SLC25A12: variants seen among roughly 807,000 people sequenced by gnomAD.
SLC25A12 encodes electrogenic aspartate/glutamate antiporter SLC25A12, mitochondrial.
In SLC25A12, 32 loss-of-function variants were observed where a neutral mutation model predicts 83.3. That is an observed-to-expected ratio of 0.38 (90% confidence interval 0.29 to 0.52). The LOEUF is 0.52. Ranked by LOEUF, SLC25A12 falls within the 20% of genes least tolerant of loss-of-function variation. The pLI is 0.84. For synonymous variants in SLC25A12, 267 were observed against 291.1 expected (o/e 0.92, Z 0.84); for missense variants, 611 against 835.6 (o/e 0.73, Z 3.31).
chr2:171,890,500 T>C (rs1038909663), intron 2 of SLC25A12, among the ~76,000 whole-genome samples: 3 of 152,012 alleles, frequency 2.0e-5, no homozygotes, highest in Admixed American at 6.6e-5. Context: ...TGTGTGTGTG[T>C]GTAACAAGGT....
intron 2 of SLC25A12, among the ~76,000 whole-genome samples, chr2:171,876,802 T>C (rs1249109767): frequency 6.6e-6 from 1 of 152,232 alleles, no homozygotes; most frequent in Non-Finnish European, 1.5e-5. Context: ...TACCCAAGTA[T>C]GTCTATACTC....
chr2:171,827,957 G>A (rs1684345176), intron 8 of SLC25A12, among the ~76,000 whole-genome samples: 1 of 152,274 alleles, frequency 6.6e-6, no homozygotes, highest in African/African-American at 2.4e-5. Flanking sequence ...AACCCTTTCT[G>A]CTCTCTTTCC....
chr2:171,888,432 A>T (rs148979869), intron 2 of SLC25A12, among the ~76,000 whole-genome samples: 10 of 151,050 alleles, frequency 6.6e-5, no homozygotes, highest in African/African-American at 1.5e-4. Context: ...AAATATATAT[A>T]TATTTTTTTA....
At chr2:171,835,619 A>G (rs1405501207) in intron 6 of SLC25A12, among the ~76,000 whole-genome samples, 1 of 152,252 alleles carries the variant, frequency 6.6e-6, no homozygotes, top group Admixed American at 6.5e-5. Context: ...AATATTTTGC[A>G]TAGTTTGCAA....
intron 2 of SLC25A12, among the ~76,000 whole-genome samples, chr2:171,885,995 CA>C (rs1033260275): frequency 6.6e-6 from 1 of 152,200 alleles, no homozygotes; most frequent in Non-Finnish European, 1.5e-5. Flanking sequence ...ATAACTTTCT[CA>C]GTGCTCATTA....
At chr2:171,852,896 T>C (rs1052887199) in intron 4 of SLC25A12, among the ~76,000 whole-genome samples, 1 of 152,164 alleles carries the variant, frequency 6.6e-6, no homozygotes, top group Non-Finnish European at 1.5e-5. Context: ...AAGTGGATCC[T>C]TAAAACTAGG....
intron 9 of SLC25A12, among the ~76,000 whole-genome samples, chr2:171,820,233 T>C (rs1684157038): frequency 6.6e-6 from 1 of 151,912 alleles, no homozygotes; most frequent in South Asian, 2.1e-4. Context: ...GTTAAAATAA[T>C]AATTCTTAAT....
intron 4 of SLC25A12, among the ~76,000 whole-genome samples, chr2:171,850,951 A>T (rs915142297): frequency 6.6e-6 from 1 of 152,142 alleles, no homozygotes; most frequent in Non-Finnish European, 1.5e-5. Context: ...ACACATTTTT[A>T]TTTGCTATAT....
At chr2:171,835,112 C>T (rs1361267382) in intron 6 of SLC25A12, among the ~76,000 whole-genome samples, 2 of 152,148 alleles carry the variant, frequency 1.3e-5, no homozygotes, top group African/African-American at 4.8e-5. Context: ...GGTTCATCTA[C>T]CTATAAGGTC....
chr2:171,888,110 T>C (rs1685860271), intron 2 of SLC25A12, among the ~76,000 whole-genome samples: 5 of 150,988 alleles, frequency 3.3e-5, no homozygotes, highest in Non-Finnish European at 1.5e-5. Context: ...TTTTTTTTTT[T>C]TGGAGACAAA....
At chr2:171,836,985 A>AC in intron 6 of SLC25A12, 136 bp downstream of exon 6, 1 of 763,392 alleles carries the variant, frequency 1.3e-6, no homozygotes, top group African/African-American at 1.7e-5. Flanking sequence ...CACACACACA[A>AC]ACCTGTTTAC....
In SLC25A12 at chr2:171,808,738, T is replaced by C. The variant is rs1031219734; in HGVS notation, c.1305+868A>G. On this transcript the variant is annotated intron_variant, in intron 13 of 17. Transcript: ENST00000422440. ...TATACTTTAAGTTTTAGGGTACATG[T>C]GCACAATGTGCAGGTTTGATACATA... Among the ~76,000 whole-genome samples, 7 of 152,346 alleles carry C rather than the reference T, an allele frequency of 4.6e-5. No individual in the cohort carries two copies. In the East Asian group the frequency reaches 7.7e-4, roughly 17 times the overall value.
intron 14 of SLC25A12, 87 bp downstream of exon 14, chr2:171,793,540 A>G: frequency 7.4e-7 from 1 of 1,358,096 alleles, no homozygotes; most frequent in Non-Finnish European, 1.1e-6. Context: ...CTGCTGGACA[A>G]GATTGCTTTT....
intron 3 of SLC25A12, among the ~76,000 whole-genome samples, chr2:171,858,564 A>G (rs1411385972): frequency 6.6e-6 from 1 of 152,250 alleles, no homozygotes; most frequent in Non-Finnish European, 1.5e-5. Context: ...GTCACAAACT[A>G]TCAGCTGGCA....
intron 9 of SLC25A12, among the ~76,000 whole-genome samples, chr2:171,817,447 C>T (rs1684076944): frequency 6.6e-6 from 1 of 151,616 alleles, no homozygotes; most frequent in South Asian, 2.1e-4. Flanking sequence ...ACTAAAAATA[C>T]AAAAATTAGT....
rs764959589 is a variant in SLC25A12, at chr2:171,893,159, G to A, written c.66+46C>T. ...CATGAATAGGACTAAGGACATGTACGTTTTTTGTTTTTGCAATGAAAGGCA... is the reference window on the plus strand; with the variant it reads ...CATGAATAGGACTAAGGACATGTACATTTTTTGTTTTTGCAATGAAAGGCA... On this transcript the variant is annotated intron_variant, in intron 2 of 17. Coordinates refer to ENST00000422440, the MANE Select transcript of SLC25A12 (RefSeq NM_003705.5). The A allele has an allele frequency of 2.3e-5, 34 of 1,507,188 alleles. No individual in the cohort carries two copies. The South Asian group carries it at 3.4e-4, about 15-fold the overall frequency. 93.4% of individuals were successfully genotyped at this position (1,507,188 alleles called of 1,614,324 possible). A position where few individuals can be genotyped will look rare whatever the true frequency, so the allele number is the denominator to read the frequency against.
intron 13 of SLC25A12, among the ~76,000 whole-genome samples, chr2:171,803,389 A>C (rs1683752837): frequency 1.3e-5 from 2 of 152,198 alleles, no homozygotes; most frequent in Admixed American, 1.3e-4. Flanking sequence ...CAAGAAAATA[A>C]AAAATATCTG....
At chr2:171,847,042 T>C (rs1558929492) in intron 4 of SLC25A12, among the ~76,000 whole-genome samples, 1 of 152,198 alleles carries the variant, frequency 6.6e-6, no homozygotes, top group Non-Finnish European at 1.5e-5. Flanking sequence ...TATTTGGACA[T>C]TTTCTACTTC....
rs1314007389 is a variant in SLC25A12 at position 171,855,867 on chromosome 2, A to T, written c.292T>A (p.Phe98Ile). Residue 98 changes from phenylalanine to isoleucine, a missense_variant, in exon 4 of 18, where the codon TTT becomes ATT. By Grantham distance (21) the Phe-to-Ile change is conservative (BLOSUM62 0). Transcript: ENST00000422440. The part of the protein sequence containing the change: ...DSMFIVAFQL[F>I]DKSGNGEVTF... ...ACCTCTCCATTTCCACTCTTGTCAA[A>T]CAACTGGAAAGCCACTATGAACATG... 6.2e-7 allele frequency: 1 copy of T among 1,613,148 alleles called. No individual in the cohort carries two copies.
Sources: allele counts gnomAD v4.1 joint callset (sites outside exome capture counted in the v4.1 genomes callset), GRCh38; gene constraint gnomAD v4.1.1; transcripts MANE v1.5; gene names NCBI Gene and HGNC (gene_info 2026-07-23, HGNC 2026-07-21).